PTPRQ: variants seen among roughly 807,000 people sequenced by gnomAD.
PTPRQ encodes phosphatidylinositol phosphatase PTPRQ.
A neutral mutation model predicts 246.0 loss-of-function variants in PTPRQ; 199 were observed. That is an observed-to-expected ratio of 0.81 (90% CI 0.72 to 0.91). The LOEUF (loss-of-function observed/expected upper bound fraction) is 0.91, where lower values mean the gene tolerates loss of function less well. Among genes scored for constraint, PTPRQ ranks in the 40% least tolerant of loss-of-function variants. The probability of loss-of-function intolerance (pLI) is 0.00; values close to 1 mark genes in which losing one functional copy is unlikely to be tolerated. For missense variants in PTPRQ, 2,624 were observed against 2,528.4 expected, an observed-to-expected ratio of 1.04 and a Z score of -0.81; for synonymous variants, 869 against 853.2, an observed-to-expected ratio of 1.02 and a Z score of -0.32.
chr12:80,478,959 A>G (rs1001929910), intron 8 of PTPRQ, among the ~76,000 whole-genome samples: 5 of 152,132 alleles, frequency 3.3e-5, no homozygotes, highest in Admixed American at 6.5e-5. Flanking sequence ...TCTGCAGGAT[A>G]TTATCCAGGA....
At chr12:80,538,781 G>A (rs1447074429) in intron 19 of PTPRQ, among the ~76,000 whole-genome samples, 2 of 151,196 alleles carry the variant, frequency 1.3e-5, no homozygotes, top group African/African-American at 2.4e-5. Flanking sequence ...TTTTTTAATT[G>A]TGTGCTAGAC....
chr12:80,450,579 T>C (rs7953180), intron 3 of PTPRQ, among the ~76,000 whole-genome samples: 146,423 of 150,840 alleles, frequency 0.97, 71,221 homozygotes, highest in African/African-American at 1. Context: ...TGAGAGTTTT[T>C]AGCATGAAGC....
At chr12:80,475,550 C>A (rs1392100215) in intron 8 of PTPRQ, among the ~76,000 whole-genome samples, 1 of 151,974 alleles carries the variant, frequency 6.6e-6, no homozygotes, top group African/African-American at 2.4e-5. Flanking sequence ...ATATTAAAGT[C>A]TTCTCTAGTT....
intron 35 of PTPRQ, among the ~76,000 whole-genome samples, chr12:80,640,064 GTTT>G (rs1325754169): frequency 6.7e-6 from 1 of 148,678 alleles, no homozygotes; most frequent in East Asian, 2.0e-4. Context: ...GTGTGTGTGT[GTTT>G]AACTTCGAAG....
chr12:80,619,802 C>CA (rs1267051749), intron 31 of PTPRQ, among the ~76,000 whole-genome samples: 1 of 151,386 alleles, frequency 6.6e-6, no homozygotes, highest in Non-Finnish European at 1.5e-5. Flanking sequence ...AAGAAAGGCA[C>CA]AGTTAAAATA....
intron 26 of PTPRQ, among the ~76,000 whole-genome samples, chr12:80,600,701 A>T (rs1197882433): frequency 3.3e-5 from 5 of 151,794 alleles, no homozygotes; most frequent in Admixed American, 6.6e-5. Flanking sequence ...GTTGGAGATG[A>T]TCTTTCCTTT....
intron 35 of PTPRQ, among the ~76,000 whole-genome samples, chr12:80,648,153 A>G (rs563780841): frequency 1.3e-5 from 2 of 152,176 alleles, no homozygotes; most frequent in South Asian, 4.2e-4. Flanking sequence ...ATATAGTAAA[A>G]TCCCTAATAT....
chr12:80,564,024 TG>T (rs1896908068), intron 25 of PTPRQ, among the ~76,000 whole-genome samples: 1 of 152,034 alleles, frequency 6.6e-6, no homozygotes, highest in Non-Finnish European at 1.5e-5. Context: ...TAGACTGCAC[TG>T]TTTTTTTTGT....
At chr12:80,601,989 C>T (rs907128221) in intron 26 of PTPRQ, among the ~76,000 whole-genome samples, 2 of 151,728 alleles carry the variant, frequency 1.3e-5, no homozygotes, top group African/African-American at 4.8e-5. Context: ...CCAATTCTGT[C>T]TTCATCATTA....
At chr12:80,504,725 T>G (rs1057418134) in intron 14 of PTPRQ, among the ~76,000 whole-genome samples, 1 of 151,940 alleles carries the variant, frequency 6.6e-6, no homozygotes, top group South Asian at 2.1e-4. Context: ...TATTTTAAAT[T>G]CTGAAGTGGA....
chr12:80,628,686 G>C (rs1899299980), intron 33 of PTPRQ, among the ~76,000 whole-genome samples: 1 of 152,080 alleles, frequency 6.6e-6, no homozygotes, highest in African/African-American at 2.4e-5. Flanking sequence ...CCGTGGAATA[G>C]TTTTGTATAA....
intron 25 of PTPRQ, among the ~76,000 whole-genome samples, chr12:80,579,763 T>C (rs1462597903): frequency 6.6e-6 from 1 of 152,196 alleles, no homozygotes; most frequent in Non-Finnish European, 1.5e-5. Context: ...AATTTTACTT[T>C]GTGTATGTTT....
chr12:80,513,243 C>T (rs891927227), intron 17 of PTPRQ, among the ~76,000 whole-genome samples: 2 of 152,084 alleles, frequency 1.3e-5, no homozygotes, highest in African/African-American at 4.8e-5. Flanking sequence ...AGATAACTCT[C>T]AGCAGAGGGG....
At chr12:80,583,915 C>A (rs1218942125) in intron 25 of PTPRQ, 1 of 152,176 alleles carries the variant, frequency 6.6e-6, no homozygotes, top group Non-Finnish European at 1.5e-5. Flanking sequence ...TAGCTAAGGG[C>A]TTCTCTCAGC....
intron 20 of PTPRQ, 133 bp downstream of exon 20, chr12:80,540,077 C>G (rs1896107873): frequency 1.4e-6 from 1 of 721,344 alleles, no homozygotes; most frequent in South Asian, 3.2e-5. Flanking sequence ...TTTGAAAATG[C>G]AATTAATATA....
intron 14 of PTPRQ, 44 bp downstream of exon 14, chr12:80,496,575 A>G (rs776684720): frequency 2.8e-5 from 42 of 1,507,706 alleles, no homozygotes; most frequent in Non-Finnish European, 3.3e-5. Context: ...ACACAGTGAT[A>G]TAGTAAGCAA....
intron 25 of PTPRQ, among the ~76,000 whole-genome samples, chr12:80,556,730 C>A (rs4586240): frequency 6.6e-6 from 1 of 151,976 alleles, no homozygotes; most frequent in Non-Finnish European, 1.5e-5. Flanking sequence ...AGCTGCCCTC[C>A]GACACCCTCA....
intron 10 of PTPRQ, 149 bp downstream of exon 10, chr12:80,493,604 C>A (rs1024620533): frequency 8.1e-6 from 10 of 1,230,500 alleles, no homozygotes; most frequent in Non-Finnish European, 1.1e-5. Context: ...AAACCTCATG[C>A]AACAAATGGA....
chr12:80,589,255 G>T (rs1897714831), intron 26 of PTPRQ, among the ~76,000 whole-genome samples: 1 of 152,108 alleles, frequency 6.6e-6, no homozygotes, highest in Non-Finnish European at 1.5e-5. Flanking sequence ...ACATAAATAA[G>T]TTGCAAATCA....
Sources: gnomAD v4.1 joint callset for allele counts (sites outside exome capture counted in the v4.1 genomes callset) on GRCh38, gnomAD v4.1.1 for gene constraint, MANE v1.5 for transcripts, NCBI Gene and HGNC (gene_info 2026-07-23, HGNC 2026-07-21) for gene names.